CNTN1: variants seen among roughly 807,000 people sequenced by gnomAD.
The protein encoded by CNTN1 is contactin 1.
In CNTN1, 38 loss-of-function variants were observed where a neutral mutation model predicts 126.4. The ratio of observed to expected loss-of-function variants is 0.30; its 90% confidence interval spans 0.23 to 0.39. CNTN1 has a LOEUF of 0.39. CNTN1 is among the 10% of genes least tolerant of loss of function. The pLI, the probability that CNTN1 is intolerant of heterozygous loss-of-function variation, is 1.00. For missense variants in CNTN1, 1,009 were observed against 1,248.4 expected (o/e 0.81, Z 2.89); for synonymous variants, 413 against 422.6 (o/e 0.98, Z 0.28).
chr12:40,974,325 C>T (rs1272677409), intron 15 of CNTN1, among the ~76,000 whole-genome samples: 1 of 151,934 alleles, frequency 6.6e-6, no homozygotes, highest in African/African-American at 2.4e-5. Context: ...TTTAAAAAGG[C>T]ATGATTGGCC....
intron 1 of CNTN1, among the ~76,000 whole-genome samples, chr12:40,781,088 T>C (rs1481371410): frequency 2.6e-5 from 4 of 151,818 alleles, no homozygotes; most frequent in African/African-American, 4.8e-5. Context: ...AAATCAGATG[T>C]GAAACAAATA....
intron 1 of CNTN1, among the ~76,000 whole-genome samples, chr12:40,885,077 A>G (rs1943984943): frequency 6.6e-6 from 1 of 151,702 alleles, no homozygotes; most frequent in Non-Finnish European, 1.5e-5. Flanking sequence ...ATTGAGTCGT[A>G]TTTCATATCT....
At chr12:41,043,560 A>G (rs2120969610) in intron 23 of CNTN1, among the ~76,000 whole-genome samples, 1 of 152,274 alleles carries the variant, frequency 6.6e-6, no homozygotes, top group East Asian at 1.9e-4. Flanking sequence ...GGGACTGTAA[A>G]CTAGTTCAAC....
chr12:40,904,356 C>CT (rs1944731038), intron 1 of CNTN1, among the ~76,000 whole-genome samples: 2 of 85,846 alleles, frequency 2.3e-5, no homozygotes, highest in South Asian at 3.0e-4. Context: ...CTTTTTCCTT[C>CT]CTTCCTTCCT....
At chr12:40,910,013 T>A in intron 2 of CNTN1, 60 bp from the exon 3 acceptor site, 1 of 1,314,116 alleles carries the variant, frequency 7.6e-7, no homozygotes, top group Non-Finnish European at 1.1e-6. Context: ...TAAGTAATGT[T>A]TGAAACCACA....
At chr12:40,793,381 G>A (rs1236776813) in intron 1 of CNTN1, among the ~76,000 whole-genome samples, 3 of 151,036 alleles carry the variant, frequency 2.0e-5, no homozygotes, top group Non-Finnish European at 4.4e-5. Flanking sequence ...TCTGTCTTTT[G>A]TTACAGAAGT....
At chr12:40,777,625 C>T (rs1939640382) in intron 1 of CNTN1, among the ~76,000 whole-genome samples, 1 of 151,728 alleles carries the variant, frequency 6.6e-6, no homozygotes, top group Non-Finnish European at 1.5e-5. Flanking sequence ...TATTTTACTG[C>T]CATCTATGGG....
chr12:40,981,239 TTACACATTTAAATG>T (rs1947810827), intron 16 of CNTN1, among the ~76,000 whole-genome samples, 172 bp downstream of exon 16: 1 of 152,184 alleles, frequency 6.6e-6, no homozygotes, highest in South Asian at 2.1e-4. Context: ...TACATAGAAT[TTACACATTTAAATG>T]TGTTAAAGCT....
At chr12:41,043,138 A>G (rs1248732932) in intron 23 of CNTN1, among the ~76,000 whole-genome samples, 1 of 152,234 alleles carries the variant, frequency 6.6e-6, no homozygotes, top group African/African-American at 2.4e-5. Flanking sequence ...ACAAAAGCCA[A>G]AATTGACAAA....
intron 1 of CNTN1, among the ~76,000 whole-genome samples, chr12:40,805,336 C>T (rs966948302): frequency 1.3e-5 from 2 of 151,952 alleles, no homozygotes; most frequent in South Asian, 2.1e-4. Flanking sequence ...GGAAGCTCTG[C>T]ACTATGTTTT....
At chr12:40,836,902 A>G (rs1942080752) in intron 1 of CNTN1, among the ~76,000 whole-genome samples, 1 of 152,170 alleles carries the variant, frequency 6.6e-6, no homozygotes, top group African/African-American at 2.4e-5. Context: ...ATGTTACGCT[A>G]TTACTAAAAC....
At chr12:40,887,296 T>C (rs2136714092) in intron 1 of CNTN1, among the ~76,000 whole-genome samples, 1 of 152,190 alleles carries the variant, frequency 6.6e-6, no homozygotes, top group South Asian at 2.1e-4. Context: ...CCCTTGTAAG[T>C]TGGATTCCTA....
At chr12:40,866,431 T>C (rs1471878663) in intron 1 of CNTN1, among the ~76,000 whole-genome samples, 1 of 152,190 alleles carries the variant, frequency 6.6e-6, no homozygotes, top group Non-Finnish European at 1.5e-5. Context: ...TTTAACATAA[T>C]GTTAGCAGTG....
At chr12:40,951,448 G>T (rs1044847982) in intron 14 of CNTN1, among the ~76,000 whole-genome samples, 2 of 151,622 alleles carry the variant, frequency 1.3e-5, no homozygotes, top group Admixed American at 6.6e-5. Flanking sequence ...TTATGTTTTT[G>T]ACTCAATCTT....
intron 1 of CNTN1, among the ~76,000 whole-genome samples, chr12:40,858,878 C>T (rs182711870): frequency 7.1e-4 from 108 of 151,960 alleles, no homozygotes; most frequent in Non-Finnish European, 1.4e-3. Flanking sequence ...AATGCAAGAA[C>T]GGAAAACCAA....
At chr12:40,914,380 C>T (rs1411883483) in intron 3 of CNTN1, among the ~76,000 whole-genome samples, 1 of 152,154 alleles carries the variant, frequency 6.6e-6, no homozygotes, top group African/African-American at 2.4e-5. Flanking sequence ...TCAAGAGGTT[C>T]ATGCTGAACC....
At chr12:40,790,058 C>T (rs1940163237) in intron 1 of CNTN1, among the ~76,000 whole-genome samples, 1 of 152,018 alleles carries the variant, frequency 6.6e-6, no homozygotes. Context: ...TGTGTGCTGC[C>T]CAGGGCTAGT....
chr12:41,021,826 G>A (rs1343919120), intron 20 of CNTN1, among the ~76,000 whole-genome samples: 1 of 152,030 alleles, frequency 6.6e-6, no homozygotes, highest in Non-Finnish European at 1.5e-5. Flanking sequence ...TAGTAGGAAA[G>A]AGAGAAATTC....
intron 14 of CNTN1, among the ~76,000 whole-genome samples, chr12:40,956,739 T>C (rs572367383): frequency 6.6e-6 from 1 of 152,186 alleles, no homozygotes; most frequent in East Asian, 1.9e-4. Context: ...ATGCTATGGC[T>C]TTTGTCCCAG....
Sources: allele counts gnomAD v4.1 joint callset (sites outside exome capture counted in the v4.1 genomes callset), GRCh38; gene constraint gnomAD v4.1.1; transcripts MANE v1.5; gene names NCBI Gene and HGNC (gene_info 2026-07-23, HGNC 2026-07-21).